The following CNTN5 variants were observed in gnomAD, a reference collection of about 807,000 sequenced individuals.
CNTN5 encodes contactin 5, also known as contactin-5.
In CNTN5, 77 loss-of-function variants were observed where a neutral mutation model predicts 129.1. The ratio of observed to expected loss-of-function variants is 0.60; its 90% CI spans 0.50 to 0.72. CNTN5 has a LOEUF of 0.72. Among genes scored for constraint, CNTN5 ranks in the 30% least tolerant of loss-of-function variants. The pLI, the probability that CNTN5 is intolerant of heterozygous loss-of-function variation, is 0.00. For synonymous variants in CNTN5, 509 were observed against 465.6 expected (o/e 1.09, Z -1.20); for missense variants, 1,478 against 1,328.8 (o/e 1.11, Z -1.75).
Position 99,295,604 on chromosome 11 carries a change from C to T in CNTN5, c.-209-29742C>T, listed in dbSNP as rs191782151. 2.5e-4 allele frequency among the ~76,000 whole-genome samples: 38 copies of T among 152,256 alleles called. 1 individual carries two copies. In the East Asian group the frequency reaches 7.0e-3, roughly 28 times the overall value. The stretch of plus-strand genomic sequence containing the variant: ...AGAGTTTTGACTGATTGGCCGGGCG[C>T]GGTGGCTCACGCCTGTAATCCCAGC... On this transcript the variant is annotated intron_variant, in intron 1 of 24. Coordinates refer to ENST00000524871, the MANE Select transcript of CNTN5 (RefSeq NM_014361.4).
At chr11:99,589,014 A>G (rs1347649825) in intron 3 of CNTN5, among the ~76,000 whole-genome samples, 1 of 152,218 alleles carries the variant, frequency 6.6e-6, no homozygotes, top group African/African-American at 2.4e-5. Context: ...GCAATAATAT[A>G]TGTATCTTGA....
intron 6 of CNTN5, among the ~76,000 whole-genome samples, chr11:99,850,368 T>A (rs1947834073): frequency 6.6e-6 from 1 of 152,164 alleles, no homozygotes; most frequent in African/African-American, 2.4e-5. Flanking sequence ...GTCCTAGCTT[T>A]CGCAGAAAAT....
chr11:99,358,470 G>C (rs111622107), intron 2 of CNTN5, among the ~76,000 whole-genome samples: 11,261 of 150,110 alleles, frequency 0.075, 485 homozygotes, highest in Non-Finnish European at 0.096. Flanking sequence ...CTGAGGCAGG[G>C]GAATCTCTTG....
At chr11:99,717,507 G>T (rs1438673026) in intron 3 of CNTN5, among the ~76,000 whole-genome samples, 2 of 151,916 alleles carry the variant, frequency 1.3e-5, no homozygotes, top group Non-Finnish European at 2.9e-5. Flanking sequence ...TGTGTCTTTT[G>T]GATGGGGAAG....
Position 99,684,445 on chromosome 11 carries a change from A to G in CNTN5, c.55+128176A>G, listed in dbSNP as rs564577773. ...TACAAAGTTAAAATCCTTCTCTTCC[A>G]ATCTTACTTTGTGTGCATTCATTCA... is the stretch of plus-strand genomic sequence containing the variant. On this transcript the variant is annotated intron_variant, in intron 3 of 24. Transcript: ENST00000524871. Among the ~76,000 whole-genome samples, 330 of 151,960 alleles carry G rather than the reference A, an allele frequency of 2.2e-3. 1 individual carries two copies. The highest frequency in any genetic ancestry group is 4.1e-3 in the Non-Finnish European group (280 of 67,810).
At chr11:99,846,129 G>GACAT (rs1947686770) in intron 6 of CNTN5, among the ~76,000 whole-genome samples, 3 of 144,644 alleles carry the variant, frequency 2.1e-5, no homozygotes, top group Non-Finnish European at 3.0e-5. Context: ...TACGGACATA[G>GACAT]ACACACACAC....
intron 4 of CNTN5, among the ~76,000 whole-genome samples, chr11:99,840,713 G>A (rs1393613719): frequency 6.6e-6 from 1 of 152,076 alleles, no homozygotes; most frequent in Non-Finnish European, 1.5e-5. Context: ...ACACAAATGT[G>A]TCGAAGGCTT....
chr11:99,494,545 A>G (rs1427234819), intron 2 of CNTN5, among the ~76,000 whole-genome samples: 2 of 152,222 alleles, frequency 1.3e-5, no homozygotes, highest in Non-Finnish European at 2.9e-5. Flanking sequence ...AAGCTGATGT[A>G]ACTTTAATGC....
At chr11:99,067,447 A>AG (rs1865149233) in intron 1 of CNTN5, among the ~76,000 whole-genome samples, 1 of 150,980 alleles carries the variant, frequency 6.6e-6, no homozygotes, top group South Asian at 2.1e-4. Flanking sequence ...AAAAGGTGAA[A>AG]TCTTCCATAG....
intron 1 of CNTN5, among the ~76,000 whole-genome samples, chr11:99,159,875 C>A (rs957799605): frequency 6.6e-6 from 1 of 152,096 alleles, no homozygotes; most frequent in African/African-American, 2.4e-5. Flanking sequence ...ATGTCCTGTT[C>A]TGTAATATAA....
chr11:99,260,326 G>A (rs1862568591), intron 1 of CNTN5, among the ~76,000 whole-genome samples: 1 of 151,566 alleles, frequency 6.6e-6, no homozygotes, highest in Non-Finnish European at 1.5e-5. Context: ...ATCAAATGTG[G>A]ATAGTGCTCT....
intron 6 of CNTN5, among the ~76,000 whole-genome samples, chr11:99,885,794 T>C (rs1948887208): frequency 6.6e-6 from 1 of 152,080 alleles, no homozygotes; most frequent in South Asian, 2.1e-4. Context: ...CCAAGTGTAA[T>C]AGAGAATTGA....
intron 1 of CNTN5, among the ~76,000 whole-genome samples, chr11:99,186,906 A>T (rs1490810390): frequency 2.6e-5 from 4 of 151,950 alleles, no homozygotes; most frequent in Non-Finnish European, 5.9e-5. Context: ...GGAAAAAGAG[A>T]ATAGTAGAGA....
intron 3 of CNTN5, among the ~76,000 whole-genome samples, chr11:99,671,739 T>G (rs1953053663): frequency 6.6e-6 from 1 of 152,194 alleles, no homozygotes; most frequent in African/African-American, 2.4e-5. Flanking sequence ...ATCTATTACA[T>G]TTTTTGAATA....
At chr11:99,957,669 C>CAA (rs35420563) in intron 8 of CNTN5, among the ~76,000 whole-genome samples, 1 of 151,836 alleles carries the variant, frequency 6.6e-6, no homozygotes, top group Non-Finnish European at 1.5e-5. Flanking sequence ...TGTCATGCAG[C>CAA]AAAAAATCTA....
chr11:99,253,897 T>TTTTATATATATATATATA (rs376157994), intron 1 of CNTN5, among the ~76,000 whole-genome samples: 7 of 139,062 alleles, frequency 5.0e-5, no homozygotes, highest in African/African-American at 1.9e-4. Context: ...AAATATACGT[T>TTTTATATATATATATATA]TATATATATA....
chr11:99,719,927 A>G (rs777736104), intron 3 of CNTN5, among the ~76,000 whole-genome samples: 2 of 152,168 alleles, frequency 1.3e-5, no homozygotes, highest in Non-Finnish European at 2.9e-5. Flanking sequence ...TAGAAAACCT[A>G]GAAGATATTG....
intron 2 of CNTN5, among the ~76,000 whole-genome samples, chr11:99,551,410 G>A (rs112876623): frequency 8.7e-4 from 133 of 152,280 alleles, no homozygotes; most frequent in African/African-American, 2.2e-3. Context: ...ATCTTAAGAC[G>A]TGATGGAGCT....
At chr11:99,550,305 C>A (rs182403153) in intron 2 of CNTN5, among the ~76,000 whole-genome samples, 1 of 152,278 alleles carries the variant, frequency 6.6e-6, no homozygotes, top group African/African-American at 2.4e-5. Flanking sequence ...TATATGACAG[C>A]AAGCAATAAG....
Sources: gnomAD v4.1 joint callset for allele counts (sites outside exome capture counted in the v4.1 genomes callset) on GRCh38, gnomAD v4.1.1 for gene constraint, MANE v1.5 for transcripts, NCBI Gene and HGNC (gene_info 2026-07-23, HGNC 2026-07-21) for gene names.